CDH13: variants seen among roughly 807,000 people sequenced by gnomAD.
The protein encoded by CDH13 is cadherin 13.
A neutral mutation model predicts 63.8 loss-of-function variants in CDH13; 24 were observed. The observed-to-expected ratio is 0.38, with a 90% CI of 0.27 to 0.53. The LOEUF (loss-of-function observed/expected upper bound fraction) is 0.53. Ranked by LOEUF, CDH13 falls within the 20% of genes least tolerant of loss-of-function variation. The pLI is 0.85. For missense variants in CDH13, 1,049 were observed against 903.1 expected, an observed-to-expected ratio of 1.16 and a Z score of -2.07; for synonymous variants, 503 against 355.3, an observed-to-expected ratio of 1.42 and a Z score of -4.67.
intron 1 of CDH13, among the ~76,000 whole-genome samples, chr16:82,838,132 C>T (rs1012147549): frequency 6.6e-6 from 1 of 152,190 alleles, no homozygotes; most frequent in Non-Finnish European, 1.5e-5. Flanking sequence ...GAAAGCTCTT[C>T]CCCTGAGTTC....
intron 11 of CDH13, among the ~76,000 whole-genome samples, chr16:83,762,395 A>C (rs367781670): frequency 6.6e-6 from 1 of 152,306 alleles, no homozygotes; most frequent in African/African-American, 2.4e-5. Flanking sequence ...AAAATAAAAA[A>C]AACTGTTAAG....
intron 10 of CDH13, among the ~76,000 whole-genome samples, chr16:83,682,558 C>G (rs2150877488): frequency 6.6e-6 from 1 of 152,280 alleles, no homozygotes; most frequent in African/African-American, 2.4e-5. Flanking sequence ...CTGTGCGCAT[C>G]CTGAGATTGA....
intron 1 of CDH13, among the ~76,000 whole-genome samples, chr16:82,790,787 T>C (rs1193250990): frequency 2.0e-5 from 3 of 152,156 alleles, no homozygotes; most frequent in East Asian, 1.9e-4. Context: ...GAGTCCCTTA[T>C]AAAACCATCA....
chr16:82,902,169 A>T (rs1416441705), intron 2 of CDH13, among the ~76,000 whole-genome samples: 1 of 152,158 alleles, frequency 6.6e-6, no homozygotes, highest in Non-Finnish European at 1.5e-5. Context: ...GATTTGTTAA[A>T]AGCTTAAGAG....
intron 4 of CDH13, among the ~76,000 whole-genome samples, chr16:83,146,401 G>C (rs577021757): frequency 6.6e-6 from 1 of 152,258 alleles, no homozygotes; most frequent in South Asian, 2.1e-4. Context: ...GTAGGCAAAA[G>C]TTTACCAGTG....
chr16:82,953,235 A>G (rs1431842843), intron 2 of CDH13: 1 of 152,202 alleles, frequency 6.6e-6, no homozygotes, highest in Non-Finnish European at 1.5e-5. Context: ...ATTACTAAAT[A>G]TCCATTTATC....
chr16:82,698,676 A>C (rs760581391), intron 1 of CDH13, among the ~76,000 whole-genome samples: 20 of 152,210 alleles, frequency 1.3e-4, no homozygotes, highest in Non-Finnish European at 2.6e-4. Flanking sequence ...CAAACATCCC[A>C]TGGCTGAGCC....
rs12051437 is a variant in CDH13, at chr16:82,685,213, T to C, written c.45+58076T>C. Among the ~76,000 whole-genome samples, 4,157 of 152,298 alleles carry C rather than the reference T, an allele frequency of 0.027. 327 individuals carry two copies. In the East Asian group the frequency reaches 0.33, roughly 12 times the overall value. Reference sequence around the variant, plus strand: ...CATAGACTAGGTGGCTTAAAAACAATGAATGCTCATTTCACAGTTCTGGAG... The same window carrying C: ...CATAGACTAGGTGGCTTAAAAACAACGAATGCTCATTTCACAGTTCTGGAG... On this transcript the variant is annotated intron_variant, in intron 1 of 13. Transcript: ENST00000567109.
intron 9 of CDH13, among the ~76,000 whole-genome samples, chr16:83,677,352 A>G (rs964801439): frequency 6.6e-6 from 1 of 152,168 alleles, no homozygotes; most frequent in Admixed American, 6.5e-5. Context: ...AGTGGTCCTC[A>G]TCAACGCTGC....
chr16:83,707,857 A>AAAAAAAAAAAAAAAAAAAC (rs1907362666), intron 10 of CDH13, among the ~76,000 whole-genome samples: 1 of 139,894 alleles, frequency 7.1e-6, no homozygotes, highest in Non-Finnish European at 1.5e-5. Context: ...AAAAAAAAAA[A>AAAAAAAAAAAAAAAAAAAC]AGAGCTGGGA....
At position 83,697,449 on chromosome 16, in the gene CDH13, G is replaced by C. The variant is rs970323915; in HGVS notation, c.1538+18988G>C. Among the ~76,000 whole-genome samples, 5 of 152,362 alleles carry C rather than the reference G, an allele frequency of 3.3e-5. No individual in the cohort carries two copies. The South Asian group carries it at 8.3e-4, about 25-fold the overall frequency. On this transcript the variant is annotated intron_variant, in intron 10 of 13. Coordinates refer to ENST00000567109, the MANE Select transcript of CDH13 (RefSeq NM_001257.5). The stretch of plus-strand genomic sequence containing the variant: ...ACAGAAGGCTGCGCCATGCCTTACA[G>C]AAGAAACAGGTGTTAGGATAACCTT...
At chr16:83,309,400 G>A (rs1010207113) in intron 5 of CDH13, among the ~76,000 whole-genome samples, 1 of 151,420 alleles carries the variant, frequency 6.6e-6, no homozygotes, top group Non-Finnish European at 1.5e-5. Flanking sequence ...TTTTGAGACA[G>A]AATCTTACTC....
At chr16:82,814,349 A>AG (rs2037598014) in intron 1 of CDH13, among the ~76,000 whole-genome samples, 1 of 152,064 alleles carries the variant, frequency 6.6e-6, no homozygotes, top group African/African-American at 2.4e-5. Context: ...GCTGGTTTCC[A>AG]GGGGAATCAA....
chr16:83,474,909 G>A (rs1208079192), intron 6 of CDH13, among the ~76,000 whole-genome samples: 3 of 152,174 alleles, frequency 2.0e-5, no homozygotes, highest in Admixed American at 6.5e-5. Context: ...TCAGTGAGCC[G>A]GTGCAGTTCT....
intron 1 of CDH13, among the ~76,000 whole-genome samples, chr16:82,734,155 G>T (rs573213873): frequency 1.3e-5 from 2 of 152,202 alleles, no homozygotes; most frequent in Non-Finnish European, 2.9e-5. Flanking sequence ...TGGCCAATGG[G>T]CCAACTTTGG....
chr16:82,923,875 G>T lies in CDH13; in HGVS notation c.157+65402G>T, dbSNP rs116098570. Among the ~76,000 whole-genome samples, 882 of 152,284 alleles carry T rather than the reference G, an allele frequency of 5.8e-3. 16 individuals carry two copies. The highest frequency in any genetic ancestry group is 0.021 in the African/African-American group (852 of 41,550). On this transcript the variant is annotated intron_variant, in intron 2 of 13. Transcript: ENST00000567109. ...GAGAAAATTCCTAGGTTGGGAATTGGGATCCTGGTTCTGCATTTTCCCAGC... is the reference window on the plus strand; with the variant it reads ...GAGAAAATTCCTAGGTTGGGAATTGTGATCCTGGTTCTGCATTTTCCCAGC...
chr16:83,000,398 G>A (rs1443621037), intron 2 of CDH13, among the ~76,000 whole-genome samples: 2 of 149,988 alleles, frequency 1.3e-5, no homozygotes, highest in Admixed American at 6.6e-5. Context: ...ACAGGCGCCC[G>A]CCACCACGCC....
chr16:82,811,447 T>A (rs947375383), intron 1 of CDH13, among the ~76,000 whole-genome samples: 1 of 152,144 alleles, frequency 6.6e-6, no homozygotes, highest in African/African-American at 2.4e-5. Context: ...TTCCCACAAT[T>A]GAAATGTGAT....
At position 83,728,329 on chromosome 16, in the gene CDH13, G is replaced by T. The variant is rs1002070586; in HGVS notation, c.1539-19779G>T. ...TGAATGGCACTGGCTATGTGTGTAT[G>T]TGTATGTGTGTGCGTGTGTGTGTGT... On this transcript the variant is annotated intron_variant, in intron 10 of 13. Coordinates refer to ENST00000567109, the MANE Select transcript of CDH13 (RefSeq NM_001257.5). Among the ~76,000 whole-genome samples the T allele has an allele frequency of 6.3e-3, 897 of 142,596 alleles. 7 individuals are homozygous for T. The highest frequency in any genetic ancestry group is 0.019 in the African/African-American group (725 of 37,686). The allele number at this position is 142,596 out of a possible 152,430, so 93.5% of individuals were successfully genotyped here. A position where few individuals can be genotyped will look rare whatever the true frequency, so the allele number is the denominator to read the frequency against.
Sources: gnomAD v4.1 joint callset for allele counts (sites outside exome capture counted in the v4.1 genomes callset) on GRCh38, gnomAD v4.1.1 for gene constraint, MANE v1.5 for transcripts, NCBI Gene and HGNC (gene_info 2026-07-23, HGNC 2026-07-21) for gene names.